The following SAMMSON variants were observed in gnomAD, a reference collection of about 807,000 sequenced individuals.
SAMMSON encodes the protein long intergenic non-protein coding RNA 1212.
At chr3:70,089,105 T>TG (rs2067296620) in intron 4 of SAMMSON, among the ~76,000 whole-genome samples, 1 of 152,148 alleles carries the variant, frequency 6.6e-6, no homozygotes, top group Non-Finnish European at 1.5e-5. Context: ...AGAGGACGCT[T>TG]GAAAAAACAA....
At chr3:70,122,981 G>C (rs937973520) in intron 4 of SAMMSON, among the ~76,000 whole-genome samples, 1 of 152,114 alleles carries the variant, frequency 6.6e-6, no homozygotes, top group Non-Finnish European at 1.5e-5. Context: ...CTCTCCTTGT[G>C]GTTCCCAACT....
intron 6 of SAMMSON, among the ~76,000 whole-genome samples, chr3:70,285,253 T>C: frequency 7.6e-6 from 1 of 130,794 alleles, no homozygotes; most frequent in Non-Finnish European, 1.5e-5. Flanking sequence ...TTCCCCTTCC[T>C]GTGTCCATGT....
intron 6 of SAMMSON, among the ~76,000 whole-genome samples, chr3:70,266,652 C>A (rs1266904720): frequency 6.6e-6 from 1 of 152,028 alleles, no homozygotes; most frequent in Admixed American, 6.6e-5. Flanking sequence ...CCCTATGTTG[C>A]CCATGCTGGT....
At chr3:70,119,405 C>T (rs12632586) in intron 4 of SAMMSON, among the ~76,000 whole-genome samples, 18,384 of 152,166 alleles carry the variant, frequency 0.12, 1,154 homozygotes, top group East Asian at 0.21. Flanking sequence ...ACTTAGAAAA[C>T]GGTAATTGAA....
intron 7 of SAMMSON, among the ~76,000 whole-genome samples, chr3:70,299,320 C>T (rs552988470): frequency 1.8e-4 from 26 of 143,820 alleles, no homozygotes; most frequent in African/African-American, 3.4e-4. Context: ...TAAATTTGTG[C>T]GTTATTTGTA....
At chr3:70,001,942 A>G (rs2066907432) in intron 1 of SAMMSON, among the ~76,000 whole-genome samples, 1 of 152,136 alleles carries the variant, frequency 6.6e-6, no homozygotes, top group South Asian at 2.1e-4. Context: ...GCTCCAATTC[A>G]TTTTGTTTTG....
intron 3 of SAMMSON, among the ~76,000 whole-genome samples, chr3:70,051,834 A>C (rs2067147625): frequency 6.6e-6 from 1 of 152,096 alleles, no homozygotes; most frequent in Admixed American, 6.6e-5. Flanking sequence ...GCAGTGGCTC[A>C]TGCATTTAAT....
At chr3:70,287,566 G>A (rs962858912) in intron 6 of SAMMSON, among the ~76,000 whole-genome samples, 10 of 151,976 alleles carry the variant, frequency 6.6e-5, no homozygotes, top group Non-Finnish European at 1.5e-4. Flanking sequence ...AATGATGCTG[G>A]CCTCATAAAA....
intron 4 of SAMMSON, among the ~76,000 whole-genome samples, chr3:70,187,472 C>T (rs1039510897): frequency 9.0e-6 from 1 of 111,432 alleles, no homozygotes; most frequent in Non-Finnish European, 1.7e-5. Flanking sequence ...GAGTTTCGCT[C>T]TGTCGCCCAG....
chr3:70,084,789 T>C (rs1349738738), intron 4 of SAMMSON: 1 of 152,222 alleles, frequency 6.6e-6, no homozygotes, highest in Non-Finnish European at 1.5e-5. Context: ...CCAGGCACAC[T>C]ATATGAATTA....
chr3:70,133,519 T>A (rs77723410), intron 4 of SAMMSON, among the ~76,000 whole-genome samples: 3 of 152,128 alleles, frequency 2.0e-5, no homozygotes, highest in Non-Finnish European at 4.4e-5. Flanking sequence ...TGACAAATGA[T>A]TGAGCCCAAA....
chr3:70,391,773 A>T (rs1220814261), downstream of SAMMSON, among the ~76,000 whole-genome samples: 1 of 152,200 alleles, frequency 6.6e-6, no homozygotes, highest in South Asian at 2.1e-4. Context: ...ATTTAGTTAT[A>T]CAGTTAAACT....
chr3:70,197,454 C>T (rs1271869771), intron 4 of SAMMSON, among the ~76,000 whole-genome samples: 1 of 152,136 alleles, frequency 6.6e-6, no homozygotes, highest in Admixed American at 6.5e-5. Context: ...TTCTAAACTC[C>T]TTTATTTACT....
At chr3:70,329,267 G>T (rs888022254) in intron 7 of SAMMSON, among the ~76,000 whole-genome samples, 3 of 152,034 alleles carry the variant, frequency 2.0e-5, no homozygotes, top group Non-Finnish European at 4.4e-5. Flanking sequence ...GTTTTTAAAA[G>T]CTCTATTAAC....
At chr3:70,158,494 A>G (rs138495122) in intron 4 of SAMMSON, among the ~76,000 whole-genome samples, 215 of 151,854 alleles carry the variant, frequency 1.4e-3, no homozygotes, top group African/African-American at 5.0e-3. Context: ...TTTAGCTATT[A>G]TGGATAATAC....
rs568194987 is a variant in SAMMSON, at chr3:70,116,524, T to A, written n.507+44959T>A. Among the ~76,000 whole-genome samples the A allele has an allele frequency of 2.2e-4, 34 of 152,116 alleles. No individual in the cohort carries two copies. The South Asian group carries it at 6.0e-3, about 27-fold the overall frequency. On this transcript the variant is annotated intron_variant and non_coding_transcript_variant, in intron 4 of 9. Coordinates refer to ENST00000642114, the Ensembl canonical transcript of SAMMSON. ...ATGAAAGCCAGTGACAGTTTTTTTT[T>A]ATTTGGTTCTAAGTTTCATTTGCTT...
chr3:70,088,683 CTG>C (rs1003826014), intron 4 of SAMMSON, among the ~76,000 whole-genome samples: 2 of 152,014 alleles, frequency 1.3e-5, no homozygotes, highest in South Asian at 2.1e-4. Flanking sequence ...TTTTTTGAAA[CTG>C]TGATAATATT....
intron 6 of SAMMSON, among the ~76,000 whole-genome samples, chr3:70,254,766 C>T (rs1701799371): frequency 6.6e-6 from 1 of 152,166 alleles, no homozygotes; most frequent in Non-Finnish European, 1.5e-5. Flanking sequence ...ATCACCTCTC[C>T]ATAGTAACTA....
intron 9 of SAMMSON, among the ~76,000 whole-genome samples, chr3:70,388,815 A>C (rs1459508282): frequency 6.6e-6 from 1 of 152,118 alleles, no homozygotes; most frequent in East Asian, 1.9e-4. Flanking sequence ...TTGCAGTCAT[A>C]AGTTTCTATG....
Sources: gnomAD v4.1 joint callset for allele counts (sites outside exome capture counted in the v4.1 genomes callset) on GRCh38, gnomAD v4.1.1 for gene constraint, MANE v1.5 for transcripts, NCBI Gene and HGNC (gene_info 2026-07-23, HGNC 2026-07-21) for gene names.